Variants in PRKN observed in about 807,000 individuals in gnomAD.
PRKN encodes E3 ubiquitin-protein ligase parkin.
A neutral mutation model predicts 59.5 loss-of-function variants in PRKN; 56 were observed. That is an observed-to-expected ratio of 0.94 (90% CI 0.76 to 1.18). The LOEUF (loss-of-function observed/expected upper bound fraction) is 1.18. Ranked by LOEUF, PRKN falls within the 50% of genes most tolerant of loss-of-function variation. The pLI is 0.00. For synonymous variants in PRKN, 250 were observed against 222.1 expected (o/e 1.13, Z -1.12); for missense variants, 657 against 596.4 (o/e 1.10, Z -1.06).
rs192180866 is a variant in PRKN at position 162,121,796 on chromosome 6, G to A, written c.535-67622C>T. On this transcript the variant is annotated intron_variant, in intron 4 of 11. Coordinates refer to ENST00000366898, the MANE Select transcript of PRKN (RefSeq NM_004562.3). The stretch of plus-strand genomic sequence containing the variant: ...CTCAGCTCATACCTGTGGACTCCTA[G>A]GAGAGAGAATTTTGACCAAATCACA... Among the ~76,000 whole-genome samples, 255 of 152,236 alleles carry A rather than the reference G, an allele frequency of 1.7e-3. 3 individuals are homozygous for A. Among genetic ancestry groups the A allele is most frequent in the Non-Finnish European group, 2.8e-3 (189 of 68,016 alleles).
chr6:162,054,164 C>A lies in PRKN; in HGVS notation c.545G>T (p.Cys182Phe). 6.2e-7 allele frequency: 1 copy of A among 1,610,998 alleles called. No homozygotes were observed. Among genetic ancestry groups the A allele is most frequent in the East Asian group, 2.2e-5 (1 of 44,846 alleles). ...ATLTLTQGPS[C>F]WDDVLIPNRM... Reference sequence around the variant, plus strand: ...GTTTGGAATTAAAACATCATCCCAGCAAGATGGACCCTTTGGGAAAAAACA... The same window carrying A: ...GTTTGGAATTAAAACATCATCCCAGAAAGATGGACCCTTTGGGAAAAAACA... Residue 182 changes from cysteine to phenylalanine, a missense_variant, in exon 5 of 12, where the codon TGC becomes TTC. Physicochemically the swap from Cys to Phe is radical, Grantham distance 205. Transcript: ENST00000366898.
intron 7 of PRKN, among the ~76,000 whole-genome samples, chr6:161,641,306 T>C (rs566134461): frequency 2.1e-4 from 32 of 152,214 alleles, no homozygotes; most frequent in Non-Finnish European, 4.6e-4. Context: ...GGGTATAACA[T>C]CATTATTGTA....
chr6:161,993,257 G>A (rs184133877), intron 5 of PRKN, among the ~76,000 whole-genome samples: 2 of 152,044 alleles, frequency 1.3e-5, no homozygotes, highest in African/African-American at 4.8e-5. Flanking sequence ...AAGCATACAC[G>A]AATAGGAGAC....
intron 1 of PRKN, among the ~76,000 whole-genome samples, chr6:162,531,768 C>A (rs934983723): frequency 5.9e-5 from 9 of 151,976 alleles, no homozygotes; most frequent in African/African-American, 1.9e-4. Context: ...GCAATCTAGT[C>A]CCCAGGCAAG....
At chr6:161,727,777 A>G (rs1218366227) in intron 7 of PRKN, among the ~76,000 whole-genome samples, 3 of 152,172 alleles carry the variant, frequency 2.0e-5, no homozygotes. Flanking sequence ...AGGCCAGTAA[A>G]GGCTGTCACT....
intron 5 of PRKN, among the ~76,000 whole-genome samples, chr6:161,979,780 A>C (rs1781192062): frequency 6.6e-6 from 1 of 152,112 alleles, no homozygotes; most frequent in Non-Finnish European, 1.5e-5. Flanking sequence ...CATACAAATC[A>C]AAGGGGGACC....
chr6:162,235,760 AC>A (rs1364881273), intron 3 of PRKN, among the ~76,000 whole-genome samples: 1 of 151,324 alleles, frequency 6.6e-6, no homozygotes, highest in Admixed American at 6.6e-5. Context: ...CCGAGATTGC[AC>A]CATTGCACTC....
intron 1 of PRKN, among the ~76,000 whole-genome samples, chr6:162,500,270 C>A (rs1322158986): frequency 6.6e-6 from 1 of 151,166 alleles, no homozygotes; most frequent in African/African-American, 2.4e-5. Context: ...CTCCTGGGTT[C>A]AAGCGATTCT....
Position 162,543,344 on chromosome 6 carries a change from A to G in PRKN, c.8-99871T>C, listed in dbSNP as rs60128293. On this transcript the variant is annotated intron_variant, in intron 1 of 11. Transcript: ENST00000366898. ...TAGCGCCTTGGCCCAGAGCAGTCAC[A>G]TCGGCAAAAAATTCCCGCCCACTTC... 1.0e-3 allele frequency among the ~76,000 whole-genome samples: 153 copies of G among 152,188 alleles called. 3 individuals are homozygous for G. In the East Asian group the frequency reaches 0.024, roughly 24 times the overall value.
intron 3 of PRKN, among the ~76,000 whole-genome samples, chr6:162,215,134 T>C (rs1777584271): frequency 6.6e-6 from 1 of 152,196 alleles, no homozygotes; most frequent in Admixed American, 6.5e-5. Flanking sequence ...ACATTTGAGT[T>C]GCATCATTCT....
chr6:161,350,171 C>A lies in PRKN; in HGVS notation c.1326G>T (p.Arg442Ser). 6.2e-7 allele frequency: 1 copy of A among 1,613,522 alleles called. No homozygotes were observed. Among genetic ancestry groups the A allele is most frequent in the Non-Finnish European group, 8.5e-7 (1 of 1,179,944 alleles). Reference sequence around the variant, plus strand: ...AGCCACAGTTCCAGCACCACTCGAGCCTGCACTGGGGCTGCGGACACTTCA... The same window carrying A: ...AGCCACAGTTCCAGCACCACTCGAGACTGCACTGGGGCTGCGGACACTTCA... ...MHMKCPQPQC[R>S]LEWCWNCGCE... Residue 442 changes from arginine to serine, a missense_variant, in exon 12 of 12, where the codon AGG becomes AGT. By Grantham distance (110) the Arg-to-Ser change is moderately radical (BLOSUM62 -1). Coordinates refer to ENST00000366898, the MANE Select transcript of PRKN (RefSeq NM_004562.3).
chr6:162,352,383 G>A (rs1583426600), intron 2 of PRKN, among the ~76,000 whole-genome samples: 1 of 152,286 alleles, frequency 6.6e-6, no homozygotes, highest in South Asian at 2.1e-4. Context: ...AAAAGGCTGT[G>A]TGTCAAACTT....
At chr6:162,489,313 G>C (rs1449184381) in intron 1 of PRKN, among the ~76,000 whole-genome samples, 2 of 152,158 alleles carry the variant, frequency 1.3e-5, no homozygotes, top group East Asian at 3.8e-4. Flanking sequence ...CATATGAAAA[G>C]CTGAAGCAGC....
At chr6:161,686,383 C>T (rs984497136) in intron 7 of PRKN, among the ~76,000 whole-genome samples, 20 of 152,186 alleles carry the variant, frequency 1.3e-4, no homozygotes, top group African/African-American at 4.6e-4. Flanking sequence ...CATATGTTTA[C>T]ATCCTACTTA....
intron 9 of PRKN, among the ~76,000 whole-genome samples, chr6:161,506,894 G>A (rs1011732635): frequency 1.3e-5 from 2 of 152,202 alleles, no homozygotes; most frequent in East Asian, 3.9e-4. Flanking sequence ...TTAACAAACT[G>A]TAACCCATTT....
At chr6:162,244,240 G>C (rs1779109221) in intron 3 of PRKN, among the ~76,000 whole-genome samples, 1 of 152,094 alleles carries the variant, frequency 6.6e-6, no homozygotes, top group South Asian at 2.1e-4. Context: ...ATTGCATTTT[G>C]ATGGAATTCC....
chr6:161,476,388 TC>T (rs1332779216), intron 9 of PRKN, among the ~76,000 whole-genome samples: 2 of 152,138 alleles, frequency 1.3e-5, no homozygotes, highest in East Asian at 3.9e-4. Context: ...TTTAGTAACT[TC>T]CCCCCGAAGC....
At chr6:162,263,238 C>T (rs1412927197) in intron 2 of PRKN, 3 of 205,872 alleles carry the variant, frequency 1.5e-5, no homozygotes, top group Admixed American at 5.3e-5. Flanking sequence ...CACCACCACA[C>T]CTGGCTACGA....
At chr6:162,534,354 C>T (rs1336514525) in intron 1 of PRKN, among the ~76,000 whole-genome samples, 4 of 152,150 alleles carry the variant, frequency 2.6e-5, no homozygotes, top group Non-Finnish European at 5.9e-5. Context: ...TCTGCCATGA[C>T]CCTTTCATGA....
Sources: gnomAD v4.1 joint callset for allele counts (sites outside exome capture counted in the v4.1 genomes callset) on GRCh38, gnomAD v4.1.1 for gene constraint, MANE v1.5 for transcripts, NCBI Gene and HGNC (gene_info 2026-07-23, HGNC 2026-07-21) for gene names.